CRYGS: variants seen among roughly 807,000 people sequenced by gnomAD.
CRYGS encodes gamma-crystallin S.
CRYGS carries 13 observed loss-of-function variants against 21.3 expected under a neutral mutation model. That is an observed-to-expected ratio of 0.61 (90% CI 0.40 to 0.97). The LOEUF is 0.97. CRYGS is among the 50% of genes least tolerant of loss of function. The pLI is 0.00. For synonymous variants in CRYGS, 67 were observed against 75.0 expected (o/e 0.89, Z 0.55); for missense variants, 205 against 229.7 (o/e 0.89, Z 0.69).
At chr3:186,544,276 G>A in intron 1 of CRYGS, 30 bp downstream of exon 1, 6 of 1,552,480 alleles carry the variant, frequency 3.9e-6, no homozygotes, top group Non-Finnish European at 5.3e-6. Flanking sequence ...GTGAAAAGCG[G>A]GTAGGCTAAA....
chr3:186,540,039 T>G (rs1160824571), intron 1 of CRYGS: 1 of 201,266 alleles, frequency 5.0e-6, no homozygotes, highest in African/African-American at 2.3e-5. Flanking sequence ...AATTGTTTCA[T>G]GAAGATGACT....
chr3:186,543,842 G>C (rs1052428961), intron 1 of CRYGS, among the ~76,000 whole-genome samples: 14 of 152,148 alleles, frequency 9.2e-5, no homozygotes, highest in Non-Finnish European at 1.8e-4. Context: ...AAAAATAATT[G>C]CTTGAATGGA....
chr3:186,539,710 G>GA, intron 1 of CRYGS, 113 bp from the exon 2 acceptor site: 1 of 1,299,294 alleles, frequency 7.7e-7, no homozygotes, highest in Non-Finnish European at 1.1e-6. Context: ...CAATTTTGAG[G>GA]AAAAATATGT....
At chr3:186,542,295 C>G (rs1714088328) in intron 1 of CRYGS, among the ~76,000 whole-genome samples, 1 of 152,186 alleles carries the variant, frequency 6.6e-6, no homozygotes, top group African/African-American at 2.4e-5. Flanking sequence ...CAGTGGGAGA[C>G]CTTCTATATC....
At chr3:186,539,237 C>T (rs753814945) in intron 2 of CRYGS, 118 bp downstream of exon 2, 245 of 1,422,148 alleles carry the variant, frequency 1.7e-4, no homozygotes, top group East Asian at 3.7e-4. Context: ...GCCTCAGCAG[C>T]CAACAAGCAG....
rs1391127702 is a variant in CRYGS at position 186,544,346 on chromosome 3, T to C, written c.-20A>G. 1.3e-6 allele frequency: 2 copies of C among 1,583,472 alleles called. No individual in the cohort carries two copies. The highest frequency in any genetic ancestry group is 1.3e-5 in the African/African-American group (1 of 74,266). On this transcript the variant is annotated 5_prime_UTR_variant, in exon 1 of 3. Coordinates refer to ENST00000307944, the MANE Select transcript of CRYGS (RefSeq NM_017541.4). The stretch of plus-strand genomic sequence containing the variant: ...AGACATTTTTGGTGCATAGACTGGT[T>C]TTCCCAGTGCTGAAAGAAATTCAGG...
Position 186,538,639 on chromosome 3 carries a change from GACC to G in CRYGS, c.*54_*56del. The G allele has an allele frequency of 1.2e-6, 2 of 1,610,186 alleles. No homozygotes were observed. The highest frequency in any genetic ancestry group is 1.7e-6 in the Non-Finnish European group (2 of 1,177,256). Reference sequence around the variant, plus strand: ...CTGTTTTATTGATGATGCCTATTTGGACCACAAGGCCAGCCAGCATTTGGGCCC... The same window carrying G: ...CTGTTTTATTGATGATGCCTATTTGGACAAGGCCAGCCAGCATTTGGGCCC... On this transcript the variant is annotated 3_prime_UTR_variant, in exon 3 of 3. Transcript: ENST00000307944.
chr3:186,542,901 G>A (rs1324354880), intron 1 of CRYGS, among the ~76,000 whole-genome samples: 3 of 151,972 alleles, frequency 2.0e-5, no homozygotes, highest in African/African-American at 7.2e-5. Flanking sequence ...GAACCTCAGA[G>A]CACTGAAGAC....
Position 186,544,352 on chromosome 3 carries a change from AGT to A in CRYGS, c.-28_-27del. 1 of 1,561,564 alleles carries A rather than the reference AGT, an allele frequency of 6.4e-7. No individual in the cohort carries two copies. Among genetic ancestry groups the A allele is most frequent in the Non-Finnish European group, 8.8e-7 (1 of 1,132,138 alleles). On this transcript the variant is annotated 5_prime_UTR_variant, in exon 1 of 3. Transcript: ENST00000307944. The stretch of plus-strand genomic sequence containing the variant: ...TTTTGGTGCATAGACTGGTTTTCCC[AGT>A]GCTGAAAGAAATTCAGGAATGGCTA...
At chr3:186,541,308 TTC>T (rs1489354757) in intron 1 of CRYGS, among the ~76,000 whole-genome samples, 2 of 152,202 alleles carry the variant, frequency 1.3e-5, no homozygotes, top group African/African-American at 4.8e-5. Context: ...ATCTCAATTA[TTC>T]TCTTTCCTGT....
Position 186,542,280 on chromosome 3 carries a change from C to T in CRYGS, c.21+2026G>A, listed in dbSNP as rs553893947. ...TTACTGAGCTCCAAGACTAAGCTCTCCTTTCAGTGGGAGACCTTCTATATC... is the reference window on the plus strand; with the variant it reads ...TTACTGAGCTCCAAGACTAAGCTCTTCTTTCAGTGGGAGACCTTCTATATC... On this transcript the variant is annotated intron_variant, in intron 1 of 2. Coordinates refer to ENST00000307944, the MANE Select transcript of CRYGS (RefSeq NM_017541.4). 3.9e-5 allele frequency among the ~76,000 whole-genome samples: 6 copies of T among 152,324 alleles called. No homozygotes were observed. In the East Asian group the frequency reaches 1.2e-3, roughly 29 times the overall value.
At chr3:186,539,211 C>T (rs890193865) in intron 2 of CRYGS, 144 bp downstream of exon 2, 5 of 1,182,370 alleles carry the variant, frequency 4.2e-6, no homozygotes, top group Non-Finnish European at 6.1e-6. Flanking sequence ...ATGAGCTGCT[C>T]TAAGATGTTA....
chr3:186,539,667 A>C, intron 1 of CRYGS, 70 bp from the exon 2 acceptor site: 1 of 1,577,756 alleles, frequency 6.3e-7, no homozygotes, highest in Non-Finnish European at 8.7e-7. Context: ...AAAATTAAGA[A>C]CATAATGCCT....
chr3:186,538,991 G>T, intron 2 of CRYGS, 23 bp from the exon 3 acceptor site: 1 of 1,613,066 alleles, frequency 6.2e-7, no homozygotes, highest in South Asian at 1.1e-5. Flanking sequence ...AGGAGAAAAT[G>T]AACAGAAACC....
intron 1 of CRYGS, among the ~76,000 whole-genome samples, chr3:186,542,979 A>T (rs779547083): frequency 6.6e-6 from 1 of 152,238 alleles, no homozygotes; most frequent in Non-Finnish European, 1.5e-5. Context: ...CAATGAAAAA[A>T]AAATCAAGCA....
intron 2 of CRYGS, 140 bp downstream of exon 2, chr3:186,539,215 G>C (rs999228075): frequency 6.6e-6 from 8 of 1,205,958 alleles, no homozygotes; most frequent in Non-Finnish European, 9.6e-6. Flanking sequence ...GCTGCTCTAA[G>C]ATGTTACTCA....
intron 1 of CRYGS, among the ~76,000 whole-genome samples, chr3:186,543,272 T>C (rs2108744943): frequency 6.6e-6 from 1 of 152,216 alleles, no homozygotes; most frequent in African/African-American, 2.4e-5. Flanking sequence ...CAATACATGT[T>C]TTTCACTGGA....
chr3:186,544,300 A>G lies in CRYGS; in HGVS notation c.21+6T>C, dbSNP rs1261487921. The G allele has an allele frequency of 2.5e-6, 4 of 1,600,186 alleles. No homozygotes were observed. Among genetic ancestry groups the G allele is most frequent in the Non-Finnish European group, 2.6e-6 (3 of 1,167,366 alleles). On this transcript the variant is annotated splice_donor_region_variant and intron_variant, in intron 1 of 2. Transcript: ENST00000307944. Reference sequence around the variant, plus strand: ...GGGTAGGCTAAAAATCAATATGACTACTTACCTTGGTTCCAGTTTTAGACA... The same window carrying G: ...GGGTAGGCTAAAAATCAATATGACTGCTTACCTTGGTTCCAGTTTTAGACA...
chr3:186,538,459 T>C lies in CRYGS; in HGVS notation c.*237A>G. On this transcript the variant is annotated 3_prime_UTR_variant, in exon 3 of 3. Coordinates refer to ENST00000307944, the MANE Select transcript of CRYGS (RefSeq NM_017541.4). ...ATGTCAGTATGACTTTCTAACCTTT[T>C]AATGAGATCTCATTTTGTTTGGCAC... is the stretch of plus-strand genomic sequence containing the variant. 1 of 586,406 alleles carries C rather than the reference T, an allele frequency of 1.7e-6. No individual in the cohort carries two copies. The highest frequency in any genetic ancestry group is 2.9e-5 in the East Asian group (1 of 34,706). 36.3% of individuals were successfully genotyped at this position (586,406 alleles called of 1,614,324 possible). A position where few individuals can be genotyped will look rare whatever the true frequency, so the allele number is the denominator to read the frequency against.
Sources: gnomAD v4.1 joint callset for allele counts (sites outside exome capture counted in the v4.1 genomes callset) on GRCh38, gnomAD v4.1.1 for gene constraint, MANE v1.5 for transcripts, NCBI Gene and HGNC (gene_info 2026-07-23, HGNC 2026-07-21) for gene names.